The following EIF3B variants were observed in gnomAD, a reference collection of about 807,000 sequenced individuals.
EIF3B encodes the protein eukaryotic translation initiation factor 3 subunit B.
A neutral mutation model predicts 104.6 loss-of-function variants in EIF3B; 10 were observed. That is an observed-to-expected ratio of 0.10 (90% CI 0.06 to 0.16). The LOEUF (loss-of-function observed/expected upper bound fraction) is 0.16, where lower values mean the gene tolerates loss of function less well. Among genes scored for constraint, EIF3B ranks in the 10% least tolerant of loss-of-function variants. EIF3B has a pLI of 1.00. For missense variants in EIF3B, 1,014 were observed against 1,087.9 expected (o/e 0.93, Z 0.96); for synonymous variants, 542 against 417.2 (o/e 1.30, Z -3.65).
At chr7:2,371,169 C>T (rs1780315430) in intron 10 of EIF3B, among the ~76,000 whole-genome samples, 2 of 152,258 alleles carry the variant, frequency 1.3e-5, no homozygotes, top group South Asian at 2.1e-4. Context: ...TATGATTTCC[C>T]TATTCTGAAC....
At chr7:2,372,196 ACCCTGTCT>A (rs1271904833) in intron 11 of EIF3B, 1 of 269,988 alleles carries the variant, frequency 3.7e-6, no homozygotes, top group Non-Finnish European at 7.1e-6. Flanking sequence ...ACGGAGCAAG[ACCCTGTCT>A]AAAAAAAAGA....
intron 9 of EIF3B, among the ~76,000 whole-genome samples, chr7:2,368,644 G>C (rs1202591441): frequency 6.6e-6 from 1 of 152,254 alleles, no homozygotes; most frequent in African/African-American, 2.4e-5. Flanking sequence ...ACTGAGGAGG[G>C]TGGGGTTTCC....
intron 6 of EIF3B, among the ~76,000 whole-genome samples, 164 bp from the exon 7 acceptor site, chr7:2,366,153 C>T (rs938805057): frequency 2.6e-5 from 4 of 152,076 alleles, no homozygotes; most frequent in Non-Finnish European, 4.4e-5. Flanking sequence ...AATGAACAAG[C>T]GCCGCTGCTT....
chr7:2,360,349 A>C (rs1354602140), intron 1 of EIF3B, among the ~76,000 whole-genome samples: 1 of 152,228 alleles, frequency 6.6e-6, no homozygotes, highest in Non-Finnish European at 1.5e-5. Context: ...CAAACCTTTC[A>C]AAATCTAGGC....
chr7:2,378,625 G>A (rs1371908448), intron 15 of EIF3B, 64 bp from the exon 16 acceptor site: 14 of 1,465,430 alleles, frequency 9.6e-6, no homozygotes, highest in Non-Finnish European at 1.3e-5. Context: ...TGGCAACTCT[G>A]AAGATTGCAT....
Position 2,363,143 on chromosome 7 carries a change from C to G in EIF3B, c.870+16C>G, listed in dbSNP as rs1187920328. The G allele has an allele frequency of 3.1e-6, 5 of 1,613,316 alleles. No homozygotes were observed. Among genetic ancestry groups the G allele is most frequent in the East Asian group, 2.2e-5 (1 of 44,886 alleles). ...CAAAGACCTGGTGAGTGGCCTGAAA[C>G]CTACATCTCAGTGGTTTAAAGAAAT... On this transcript the variant is annotated intron_variant, in intron 4 of 18. Coordinates refer to ENST00000360876, the MANE Select transcript of EIF3B (RefSeq NM_001037283.2).
At chr7:2,379,354 A>G (rs1268737088) in intron 17 of EIF3B, 40 bp from the exon 18 acceptor site, 1 of 1,557,238 alleles carries the variant, frequency 6.4e-7, no homozygotes, top group Non-Finnish European at 8.7e-7. Context: ...GCCACTAGGC[A>G]TGTGCCCCCA....
In EIF3B at chr7:2,367,083, A is replaced by G. The variant is rs138272947; in HGVS notation, c.1403+38A>G. On this transcript the variant is annotated intron_variant, in intron 9 of 18. Coordinates refer to ENST00000360876, the MANE Select transcript of EIF3B (RefSeq NM_001037283.2). ...ATCAGTTTGGTGTCTTAGTGTGTTC[A>G]GGCTGCTTAACACAATACCAAAAAA... The G allele has an allele frequency of 8.0e-4, 1,208 of 1,505,492 alleles. 10 individuals are homozygous for G. In the African/African-American group the frequency reaches 0.016, roughly 19 times the overall value. 93.3% of individuals were successfully genotyped at this position (1,505,492 alleles called of 1,614,324 possible).
In EIF3B at chr7:2,366,371, A is replaced by C; in HGVS notation, c.1212A>C (p.Ile404=). The change falls in exon 7 of 19, where the codon ATA becomes ATC. Residue 404 remains isoleucine, a synonymous_variant. Transcript: ENST00000360876. ...ACACGCAGGATGACCCTCAGGCCAT[A>C]ATCATCTGGGACATCCTTACGGGGC... ...LMDTQDDPQA[I]IIWDILTGHK... 6.2e-7 allele frequency: 1 copy of C among 1,613,908 alleles called. No homozygotes were observed. The highest frequency in any genetic ancestry group is 8.5e-7 in the Non-Finnish European group (1 of 1,179,946).
At chr7:2,360,933 C>A in intron 2 of EIF3B, 31 bp downstream of exon 2, 1 of 1,547,244 alleles carries the variant, frequency 6.5e-7, no homozygotes, top group South Asian at 1.1e-5. Flanking sequence ...GAAGTATCAT[C>A]TGTGTCTGGC....
Position 2,355,411 on chromosome 7 carries a change from A to T in EIF3B, c.490A>T (p.Ser164Cys). ...SDPEDFVDDV[S>C]EEELLGDVLK... is the part of the protein sequence containing the mutation. ...CCCCGAGGACTTCGTGGACGACGTG[A>T]GCGAGGAAGGTGAGGGCGCCCGGGG... The change falls in exon 1 of 19, where the codon AGC (serine) becomes TGC (cysteine). Residue 164 changes from serine (S) to cysteine (C), a missense_variant. Physicochemically the swap from Ser to Cys is moderately radical, Grantham distance 112 (BLOSUM62 -1). This residue lies in a region of EIF3B where 488 missense variants were observed against 404.3 expected (regional missense o/e 1.21). Coordinates refer to ENST00000360876, the MANE Select transcript of EIF3B (RefSeq NM_001037283.2). 6.8e-7 allele frequency: 1 copy of T among 1,466,946 alleles called. No homozygotes were observed. Among genetic ancestry groups the T allele is most frequent in the Non-Finnish European group, 9.0e-7 (1 of 1,108,976 alleles). The allele number at this position is 1,466,946 out of a possible 1,614,324, so 90.9% of individuals were successfully genotyped here.
chr7:2,366,181 C>G, intron 6 of EIF3B, 136 bp from the exon 7 acceptor site: 4 of 875,292 alleles, frequency 4.6e-6, no homozygotes, highest in Non-Finnish European at 6.9e-6. Flanking sequence ...CCGCTTGGGT[C>G]TCTTGGGGCC....
At chr7:2,365,678 TTG>T (rs1463037599) in intron 6 of EIF3B, among the ~76,000 whole-genome samples, 1 of 71,330 alleles carries the variant, frequency 1.4e-5, no homozygotes, top group African/African-American at 1.2e-4. Context: ...TTTGTTTGTT[TTG>T]TTTTTTTTTT....
In EIF3B at chr7:2,355,328, C is replaced by T. The variant is rs543979818; in HGVS notation, c.407C>T (p.Ala136Val). ...GCGGGAGGAAACGAGGGCAGAGCGG[C>T]CGAGGCCGAACCCCGGGCGCTGGAG... ...EDAGGNEGRAAEAEPRALENG... is the reference protein window; with the variant it reads ...EDAGGNEGRAVEAEPRALENG... Residue 136 changes from alanine to valine, a missense_variant, in exon 1 of 19, where the codon GCC becomes GTC. By Grantham distance (64) the Ala-to-Val change is moderately conservative. Around this residue, in one of 4 missense-constraint regions of EIF3B, gnomAD observed 488 missense variants for 404.3 expected, o/e 1.21. Coordinates refer to ENST00000360876, the MANE Select transcript of EIF3B (RefSeq NM_001037283.2). 12 of 1,540,674 alleles carry T rather than the reference C, an allele frequency of 7.8e-6. No individual in the cohort carries two copies. Among genetic ancestry groups the T allele is most frequent in the Non-Finnish European group, 8.7e-6 (10 of 1,150,830 alleles).
chr7:2,378,389 T>C (rs1257375804), intron 15 of EIF3B: 29 of 286,626 alleles, frequency 1.0e-4, no homozygotes, highest in African/African-American at 6.8e-4. Context: ...CCTGGGATGC[T>C]GTGTTGTGTG....
In EIF3B at chr7:2,355,171, C is replaced by G. The variant is rs1159720317; in HGVS notation, c.250C>G (p.Pro84Ala). 6.8e-7 allele frequency: 1 copy of G among 1,460,794 alleles called. No homozygotes were observed. Among genetic ancestry groups the G allele is most frequent in the African/African-American group, 1.5e-5 (1 of 67,474 alleles). The allele number at this position is 1,460,794 out of a possible 1,614,324, so 90.5% of individuals were successfully genotyped here. A position where few individuals can be genotyped will look rare whatever the true frequency, so the allele number is the denominator to read the frequency against. ...GGCGGCCTCCGGCCCGTCCGAGTCG[C>G]CCTCGCCGCCGGCCGCCGAGGAGCT... Reference protein sequence around the residue: ...AEAASGPSESPSPPAAEELPG... With the variant: ...AEAASGPSESASPPAAEELPG... Residue 84 changes from proline (P) to alanine (A), a missense_variant, in exon 1 of 19, where the codon CCC (proline) becomes GCC (alanine). This residue lies in a region of EIF3B where 488 missense variants were observed against 404.3 expected (regional missense o/e 1.21). Coordinates refer to ENST00000360876, the MANE Select transcript of EIF3B (RefSeq NM_001037283.2).
chr7:2,374,179 A>C, intron 12 of EIF3B: 1 of 200,008 alleles, frequency 5.0e-6, no homozygotes, highest in Non-Finnish European at 1.0e-5. Flanking sequence ...TCGCTAGGAG[A>C]GTGGCTTTGG....
intron 6 of EIF3B, among the ~76,000 whole-genome samples, chr7:2,365,117 T>A (rs929743209): frequency 1.1e-4 from 17 of 152,354 alleles, no homozygotes; most frequent in African/African-American, 4.1e-4. Context: ...GACATATGGC[T>A]AATTTTATTT....
At chr7:2,362,277 A>C (rs1277353203) in intron 2 of EIF3B, among the ~76,000 whole-genome samples, 1 of 152,130 alleles carries the variant, frequency 6.6e-6, no homozygotes. Context: ...TTTTTTAAAC[A>C]GCTTTATTGA....
Sources: allele counts gnomAD v4.1 joint callset (sites outside exome capture counted in the v4.1 genomes callset), GRCh38; gene constraint gnomAD v4.1.1; regional missense constraint gnomAD v4.1.1; transcripts MANE v1.5; gene names NCBI Gene and HGNC (gene_info 2026-07-23, HGNC 2026-07-21).